Variants in PCDH15 observed in about 807,000 individuals in gnomAD.
PCDH15 encodes the protein protocadherin-15.
In PCDH15, 129 loss-of-function variants were observed where a neutral mutation model predicts 178.5. The ratio of observed to expected loss-of-function variants is 0.72; its 90% confidence interval spans 0.63 to 0.84. The LOEUF (loss-of-function observed/expected upper bound fraction) is 0.84, where lower values mean the gene tolerates loss of function less well. Ranked by LOEUF, PCDH15 falls within the 40% of genes least tolerant of loss-of-function variation. PCDH15 has a pLI of 0.00. For missense variants in PCDH15, 2,230 were observed against 2,099.9 expected, an observed-to-expected ratio of 1.06 and a Z score of -1.21; for synonymous variants, 800 against 732.0, an observed-to-expected ratio of 1.09 and a Z score of -1.50.
intron 3 of PCDH15, among the ~76,000 whole-genome samples, chr10:54,474,106 C>A (rs2078106576): frequency 6.6e-6 from 1 of 151,514 alleles, no homozygotes. Context: ...ATTCGAATTG[C>A]AAAAAAATTT....
intron 2 of PCDH15, among the ~76,000 whole-genome samples, chr10:55,337,964 GA>G (rs796479836): frequency 7.2e-5 from 11 of 151,780 alleles, no homozygotes; most frequent in African/African-American, 2.7e-4. Flanking sequence ...AATTCAATAG[GA>G]AAAAAATAGT....
chr10:55,394,057 A>C (rs949087397), intron 2 of PCDH15, among the ~76,000 whole-genome samples: 4 of 151,992 alleles, frequency 2.6e-5, no homozygotes, highest in African/African-American at 9.7e-5. Flanking sequence ...CATAAAACCC[A>C]ACCAGCCCCT....
At chr10:54,118,819 C>T (rs1196640918) in intron 15 of PCDH15, among the ~76,000 whole-genome samples, 2 of 150,844 alleles carry the variant, frequency 1.3e-5, no homozygotes, top group Non-Finnish European at 2.9e-5. Context: ...CTTTGGTGCG[C>T]CTCAGCCACT....
At chr10:55,578,103 C>T (rs1488010821) in intron 2 of PCDH15, among the ~76,000 whole-genome samples, 1 of 152,146 alleles carries the variant, frequency 6.6e-6, no homozygotes, top group Non-Finnish European at 1.5e-5. Flanking sequence ...AAAAAAATTA[C>T]AAATACTTCT....
At chr10:54,743,930 T>A (rs1945142710) in intron 1 of PCDH15, among the ~76,000 whole-genome samples, 1 of 152,128 alleles carries the variant, frequency 6.6e-6, no homozygotes, top group Non-Finnish European at 1.5e-5. Flanking sequence ...TCAGTGATCC[T>A]CTTCTCTTAA....
chr10:54,302,501 G>C (rs564721408), intron 8 of PCDH15, among the ~76,000 whole-genome samples: 1 of 152,094 alleles, frequency 6.6e-6, no homozygotes, highest in African/African-American at 2.4e-5. Flanking sequence ...ATAAATGAAA[G>C]GCCTAAGAGA....
At chr10:54,888,177 C>G (rs1488278053) in intron 3 of PCDH15, among the ~76,000 whole-genome samples, 1 of 152,092 alleles carries the variant, frequency 6.6e-6, no homozygotes, top group Non-Finnish European at 1.5e-5. Flanking sequence ...CTCTGTTAAA[C>G]CTTTTCCTTC....
intron 2 of PCDH15, among the ~76,000 whole-genome samples, chr10:55,400,415 C>T (rs529620589): frequency 7.2e-5 from 11 of 152,244 alleles, no homozygotes; most frequent in South Asian, 2.1e-4. Flanking sequence ...TATCACACCA[C>T]GTAACCTAGC....
chr10:53,873,317 T>C (rs927707620), intron 26 of PCDH15, among the ~76,000 whole-genome samples: 1 of 152,248 alleles, frequency 6.6e-6, no homozygotes, highest in African/African-American at 2.4e-5. Flanking sequence ...TTCTTTAAAT[T>C]ACCAAGTCCA....
intron 1 of PCDH15, among the ~76,000 whole-genome samples, chr10:54,775,160 CA>C (rs1277984547): frequency 6.6e-6 from 1 of 152,090 alleles, no homozygotes; most frequent in African/African-American, 2.4e-5. Flanking sequence ...GAGAATGCCT[CA>C]AAAATGTGGT....
intron 2 of PCDH15, among the ~76,000 whole-genome samples, chr10:54,632,796 G>A (rs780798606): frequency 6.6e-6 from 1 of 151,848 alleles, no homozygotes; most frequent in African/African-American, 2.4e-5. Context: ...ATTCTCAAAC[G>A]CTAAGATATT....
Position 55,160,500 on chromosome 10 carries a change from C to A in PCDH15, c.-80+6076G>T, listed in dbSNP as rs552005744. On this transcript the variant is annotated intron_variant, in intron 2 of 5. Transcript: ENST00000458638. ...ACTTAACACATGTGCTATGTCACTG[C>A]TTAGGACAGACAATATTAACAGCAT... 5.9e-5 allele frequency among the ~76,000 whole-genome samples: 9 copies of A among 152,068 alleles called. No homozygotes were observed. The South Asian group carries it at 1.9e-3, about 32-fold the overall frequency.
chr10:55,454,368 A>G (rs893425286), intron 2 of PCDH15, among the ~76,000 whole-genome samples: 8 of 152,156 alleles, frequency 5.3e-5, no homozygotes, highest in African/African-American at 1.9e-4. Context: ...TTTCCCCCCA[A>G]TTTAAAGGGG....
chr10:54,543,629 T>C (rs574519467), intron 2 of PCDH15, among the ~76,000 whole-genome samples: 2 of 152,336 alleles, frequency 1.3e-5, no homozygotes, highest in South Asian at 2.1e-4. Context: ...CTATGAAATT[T>C]GATCATATGA....
chr10:54,375,259 G>A (rs1948226291), intron 4 of PCDH15, among the ~76,000 whole-genome samples: 1 of 151,962 alleles, frequency 6.6e-6, no homozygotes, highest in Non-Finnish European at 1.5e-5. Flanking sequence ...ATGAAGAACT[G>A]GCATGGCATG....
chr10:54,268,788 C>G (rs757074180), intron 8 of PCDH15, among the ~76,000 whole-genome samples: 12 of 151,816 alleles, frequency 7.9e-5, no homozygotes, highest in Admixed American at 1.3e-4. Flanking sequence ...CATACACACA[C>G]AGAGAACAAT....
At chr10:54,545,636 G>A (rs921588955) in intron 2 of PCDH15, among the ~76,000 whole-genome samples, 2 of 152,026 alleles carry the variant, frequency 1.3e-5, no homozygotes, top group African/African-American at 4.8e-5. Flanking sequence ...TTTAAAAACT[G>A]TCCTTTGAAT....
At chr10:54,243,776 T>C (rs1275243709) in intron 8 of PCDH15, among the ~76,000 whole-genome samples, 1 of 152,078 alleles carries the variant, frequency 6.6e-6, no homozygotes, top group Non-Finnish European at 1.5e-5. Context: ...TATCAGATTG[T>C]TTGAAAAAGT....
chr10:54,454,078 A>G (rs1412187236), intron 3 of PCDH15, among the ~76,000 whole-genome samples: 1 of 150,822 alleles, frequency 6.6e-6, no homozygotes, highest in African/African-American at 2.4e-5. Context: ...TTATAGATTT[A>G]TAAACATATA....
Sources: gnomAD v4.1 joint callset for allele counts (sites outside exome capture counted in the v4.1 genomes callset) on GRCh38, gnomAD v4.1.1 for gene constraint, MANE v1.5 for transcripts, NCBI Gene and HGNC (gene_info 2026-07-23, HGNC 2026-07-21) for gene names.